CRK: variants seen among roughly 807,000 people sequenced by gnomAD.
CRK encodes adapter molecule crk.
A neutral mutation model predicts 29.8 loss-of-function variants in CRK; 4 were observed. The ratio of observed to expected loss-of-function variants is 0.13; its 90% CI spans 0.07 to 0.31. The LOEUF (loss-of-function observed/expected upper bound fraction) is 0.31, where lower values mean the gene tolerates loss of function less well. CRK is among the 10% of genes least tolerant of loss of function. The probability of loss-of-function intolerance (pLI) is 1.00; values close to 1 mark genes in which losing one functional copy is unlikely to be tolerated. For synonymous variants in CRK, 153 were observed against 164.9 expected, an observed-to-expected ratio of 0.93 and a Z score of 0.55; for missense variants, 274 against 396.5, an observed-to-expected ratio of 0.69 and a Z score of 2.62.
Position 1,450,320 on chromosome 17 carries a change from A to G in CRK, c.241+5557T>C, listed in dbSNP as rs896946117. Among the ~76,000 whole-genome samples the G allele has an allele frequency of 2.0e-5, 3 of 151,984 alleles. No individual in the cohort carries two copies. The South Asian group carries it at 6.2e-4, about 32-fold the overall frequency. On this transcript the variant is annotated intron_variant, in intron 1 of 2. Coordinates refer to ENST00000300574, the MANE Select transcript of CRK (RefSeq NM_016823.4). ...TCAGGAGCTCAAGACCATCCTGGCT[A>G]ACACGGTGAAACACCTCTCTACTAA...
intron 2 of CRK, among the ~76,000 whole-genome samples, chr17:1,427,767 C>G (rs1056264809): frequency 1.3e-5 from 2 of 151,686 alleles, no homozygotes; most frequent in Middle Eastern, 3.4e-3. Context: ...GTAGCTGGGA[C>G]GACAAGCACA....
At chr17:1,436,536 G>T in intron 2 of CRK, 84 bp downstream of exon 2, 2 of 1,389,292 alleles carry the variant, frequency 1.4e-6, no homozygotes, top group South Asian at 1.5e-5. Context: ...CAATGCTGTA[G>T]TCAGCATTGC....
rs1465732399 is a variant in CRK at position 1,443,884 on chromosome 17, T to C, written c.242-6729A>G. On this transcript the variant is annotated intron_variant, in intron 1 of 2. Coordinates refer to ENST00000300574, the MANE Select transcript of CRK (RefSeq NM_016823.4). ...CCGGCTAATTTTTTTGTATTTTTAGTAGAGATGGAGTTTCACCATATTGGC... is the reference window on the plus strand; with the variant it reads ...CCGGCTAATTTTTTTGTATTTTTAGCAGAGATGGAGTTTCACCATATTGGC... Among the ~76,000 whole-genome samples the C allele has an allele frequency of 2.7e-5, 4 of 150,664 alleles. No homozygotes were observed. In the Admixed American group the frequency reaches 2.7e-4, roughly 10 times the overall value.
chr17:1,427,113 G>A lies in CRK; in HGVS notation c.778-3463C>T, dbSNP rs1475376474. ...CAGCCAGGCTAGGCAACAATAGCAA[G>A]ACTGTGTCTCTTGAAAAAAAAAAAA... On this transcript the variant is annotated intron_variant, in intron 2 of 2. Coordinates refer to ENST00000300574, the MANE Select transcript of CRK (RefSeq NM_016823.4). 1.5e-4 allele frequency among the ~76,000 whole-genome samples: 17 copies of A among 110,904 alleles called. No homozygotes were observed. In the East Asian group the frequency reaches 4.1e-3, roughly 27 times the overall value. The allele number at this position is 110,904 out of a possible 152,430, so 72.8% of individuals were successfully genotyped here. A position where few individuals can be genotyped will look rare whatever the true frequency, so the allele number is the denominator to read the frequency against.
In CRK at chr17:1,456,175, C is replaced by G. The variant is rs1335344027; in HGVS notation, c.-58G>C. The G allele has an allele frequency of 2.5e-5, 35 of 1,377,914 alleles. No individual in the cohort carries two copies. The East Asian group carries it at 1.0e-3, about 40-fold the overall frequency. The allele number at this position is 1,377,914 out of a possible 1,614,324, so 85.4% of individuals were successfully genotyped here. On this transcript the variant is annotated 5_prime_UTR_variant, in exon 1 of 3. Transcript: ENST00000300574. ...CCGCCGCGCGCGCCCCTCCGGCCCC[C>G]GGCGCCCGCCGCCCAGCGGACCGGC...
intron 1 of CRK, among the ~76,000 whole-genome samples, chr17:1,455,508 G>C (rs1196426381): frequency 6.6e-6 from 1 of 152,146 alleles, no homozygotes; most frequent in Non-Finnish European, 1.5e-5. Flanking sequence ...GATTCATTCT[G>C]GGCGCCGCTG....
chr17:1,438,269 A>C (rs1355489500), intron 1 of CRK, among the ~76,000 whole-genome samples: 1 of 152,058 alleles, frequency 6.6e-6, no homozygotes, highest in Non-Finnish European at 1.5e-5. Context: ...AGCTGGGACT[A>C]CAGGCACGCT....
intron 1 of CRK, among the ~76,000 whole-genome samples, chr17:1,442,624 TG>T (rs1264261095): frequency 1.2e-4 from 18 of 149,926 alleles, no homozygotes; most frequent in Admixed American, 4.7e-4. Flanking sequence ...TTTTTTTTTT[TG>T]AAGACAGAGT....
intron 1 of CRK, 95 bp from the exon 2 acceptor site, chr17:1,437,250 C>G (rs2073893793): frequency 2.2e-6 from 3 of 1,346,156 alleles, no homozygotes; most frequent in Non-Finnish European, 3.0e-6. Context: ...TGGGATCTCA[C>G]TATGTTACCC....
At chr17:1,430,649 G>A (rs753296020) in intron 2 of CRK, among the ~76,000 whole-genome samples, 12 of 151,470 alleles carry the variant, frequency 7.9e-5, no homozygotes, top group East Asian at 7.8e-4. Context: ...ACAGGCGTGA[G>A]CCACCACACC....
At chr17:1,435,155 G>C (rs2073877438) in intron 2 of CRK, among the ~76,000 whole-genome samples, 2 of 152,024 alleles carry the variant, frequency 1.3e-5, no homozygotes, top group Non-Finnish European at 2.9e-5. Context: ...GACCTTTCAG[G>C]CTCAGGTGAT....
At chr17:1,446,282 TG>T (rs2073974144) in intron 1 of CRK, among the ~76,000 whole-genome samples, 1 of 152,082 alleles carries the variant, frequency 6.6e-6, no homozygotes, top group Admixed American at 6.6e-5. Flanking sequence ...TAAAGACAGT[TG>T]GAATAACGCA....
chr17:1,423,477 T>C lies in CRK; in HGVS notation c.*36A>G, dbSNP rs758645482. 6.4e-7 allele frequency: 1 copy of C among 1,566,136 alleles called. No homozygotes were observed. Among genetic ancestry groups the C allele is most frequent in the Non-Finnish European group, 8.6e-7 (1 of 1,157,346 alleles). On this transcript the variant is annotated 3_prime_UTR_variant, in exon 3 of 3. Transcript: ENST00000300574. ...GGCAGTTGGAAAAAAAAAAAAAAGA[T>C]TGTTCCCATCTGTCAGCAAAACTGT...
At chr17:1,438,802 A>G (rs557048023) in intron 1 of CRK, among the ~76,000 whole-genome samples, 1 of 152,238 alleles carries the variant, frequency 6.6e-6, no homozygotes, top group South Asian at 2.1e-4. Flanking sequence ...AAATGAACAC[A>G]GTCAAACAAA....
intron 1 of CRK, among the ~76,000 whole-genome samples, chr17:1,452,607 GTGAAACCCCA>G (rs1442606266): frequency 6.6e-6 from 1 of 152,078 alleles, no homozygotes; most frequent in Non-Finnish European, 1.5e-5. Context: ...GGCCAACATG[GTGAAACCCCA>G]TCTCTACTAA....
At chr17:1,432,062 T>A (rs548711263) in intron 2 of CRK, among the ~76,000 whole-genome samples, 10 of 152,292 alleles carry the variant, frequency 6.6e-5, no homozygotes, top group Admixed American at 4.6e-4. Context: ...AAGAGACTGA[T>A]GAGTCTCACC....
At chr17:1,447,612 T>TG in intron 1 of CRK, among the ~76,000 whole-genome samples, 1 of 148,398 alleles carries the variant, frequency 6.7e-6, no homozygotes, top group South Asian at 2.2e-4. Context: ...TTTTCCTTTT[T>TG]TTTTTTTTTT....
intron 2 of CRK, chr17:1,424,754 A>AATCCC (rs1299520127): frequency 6.6e-6 from 1 of 152,232 alleles, no homozygotes; most frequent in Non-Finnish European, 1.5e-5. Context: ...TGACGCCTGC[A>AATCCC]ATCCCAGCAC....
intron 2 of CRK, among the ~76,000 whole-genome samples, chr17:1,431,297 G>T (rs1048546468): frequency 6.6e-6 from 1 of 152,152 alleles, no homozygotes; most frequent in Admixed American, 6.6e-5. Context: ...AAGGCCGGAG[G>T]GGGTGGGGCA....
Sources: gnomAD v4.1 joint callset for allele counts (sites outside exome capture counted in the v4.1 genomes callset) on GRCh38, gnomAD v4.1.1 for gene constraint, MANE v1.5 for transcripts, NCBI Gene and HGNC (gene_info 2026-07-23, HGNC 2026-07-21) for gene names.